The following ANTXR1 variants were observed in gnomAD, a reference collection of about 807,000 sequenced individuals.
The protein encoded by ANTXR1 is anthrax toxin receptor 1.
In ANTXR1, 19 loss-of-function variants were observed where a neutral mutation model predicts 78.1. The ratio of observed to expected loss-of-function variants is 0.24; its 90% CI spans 0.17 to 0.36. The LOEUF (loss-of-function observed/expected upper bound fraction) is 0.36. Ranked by LOEUF, ANTXR1 falls within the 10% of genes least tolerant of loss-of-function variation. The probability of loss-of-function intolerance (pLI) is 1.00; values close to 1 mark genes in which losing one functional copy is unlikely to be tolerated. For missense variants in ANTXR1, 518 were observed against 718.6 expected (o/e 0.72, Z 3.19); for synonymous variants, 273 against 260.5 (o/e 1.05, Z -0.46).
chr2:69,072,030 C>T (rs1670582022), intron 5 of ANTXR1, among the ~76,000 whole-genome samples: 1 of 152,198 alleles, frequency 6.6e-6, no homozygotes, highest in South Asian at 2.1e-4. Context: ...ATTTTGGCCA[C>T]AGTCTAATTC....
At chr2:69,068,233 G>T (rs72895497) in intron 3 of ANTXR1, among the ~76,000 whole-genome samples, 3,603 of 152,258 alleles carry the variant, frequency 0.024, 136 homozygotes, top group African/African-American at 0.081. Flanking sequence ...AACAGCCATG[G>T]CCCAGTCCTC....
intron 16 of ANTXR1, chr2:69,182,926 A>T (rs1674314690): frequency 2.1e-6 from 1 of 480,872 alleles, no homozygotes; most frequent in Admixed American, 3.6e-5. Context: ...TATAGAGAAG[A>T]TTAGCATGAC....
chr2:69,033,728 T>C (rs1353692111), intron 1 of ANTXR1, among the ~76,000 whole-genome samples: 1 of 152,248 alleles, frequency 6.6e-6, no homozygotes, highest in Admixed American at 6.5e-5. Flanking sequence ...ATTTCCATCC[T>C]TAGAGCTGCT....
intron 5 of ANTXR1, 96 bp downstream of exon 5, chr2:69,071,883 A>C: frequency 9.1e-7 from 1 of 1,096,896 alleles, no homozygotes; most frequent in Non-Finnish European, 1.4e-6. Flanking sequence ...TTCAAAAGAC[A>C]TGTATGATAT....
intron 9 of ANTXR1, among the ~76,000 whole-genome samples, chr2:69,099,115 A>G (rs928459427): frequency 6.6e-6 from 1 of 151,962 alleles, no homozygotes; most frequent in African/African-American, 2.4e-5. Context: ...TTATTCCCCC[A>G]TTTCTCCCTC....
At chr2:69,239,997 T>C (rs548550544) in intron 17 of ANTXR1, among the ~76,000 whole-genome samples, 1 of 152,336 alleles carries the variant, frequency 6.6e-6, no homozygotes, top group South Asian at 2.1e-4. Flanking sequence ...ACCTTTCAAG[T>C]GTGGAAGCCA....
At chr2:69,204,087 T>C (rs1350657653) in intron 17 of ANTXR1, among the ~76,000 whole-genome samples, 2 of 152,190 alleles carry the variant, frequency 1.3e-5, no homozygotes, top group Admixed American at 6.5e-5. Context: ...ATGATGATCA[T>C]GTCTAGCCAC....
At chr2:69,193,623 T>C (rs569153520) in intron 17 of ANTXR1, among the ~76,000 whole-genome samples, 1 of 152,184 alleles carries the variant, frequency 6.6e-6, no homozygotes, top group Non-Finnish European at 1.5e-5. Context: ...ATTTTCAAAA[T>C]GTTGGTTATT....
intron 10 of ANTXR1, among the ~76,000 whole-genome samples, chr2:69,112,431 G>A (rs1353415119): frequency 6.6e-6 from 1 of 152,120 alleles, no homozygotes; most frequent in Non-Finnish European, 1.5e-5. Flanking sequence ...AGATCCCTGG[G>A]ACCACTGACT....
At chr2:69,237,755 A>T (rs1266893499) in intron 17 of ANTXR1, among the ~76,000 whole-genome samples, 1 of 152,222 alleles carries the variant, frequency 6.6e-6, no homozygotes, top group Non-Finnish European at 1.5e-5. Flanking sequence ...GTGTATCTAC[A>T]CATTTTTATA....
intron 17 of ANTXR1, among the ~76,000 whole-genome samples, chr2:69,223,533 G>C (rs1415665530): frequency 2.0e-5 from 3 of 152,154 alleles, no homozygotes; most frequent in African/African-American, 7.2e-5. Context: ...ACTCAAGATT[G>C]TCTCCTTTAG....
At chr2:69,193,281 G>A (rs922096635) in intron 16 of ANTXR1, 54 bp from the exon 17 acceptor site, 98 of 1,544,424 alleles carry the variant, frequency 6.3e-5, no homozygotes, top group Non-Finnish European at 8.2e-5. Context: ...GCCTACGGCG[G>A]CTAGCCACAG....
At chr2:69,236,245 G>A (rs1326169023) in intron 17 of ANTXR1, among the ~76,000 whole-genome samples, 1 of 152,086 alleles carries the variant, frequency 6.6e-6, no homozygotes, top group Admixed American at 6.6e-5. Context: ...CAGTAAAAGT[G>A]GGCAAAGTAT....
chr2:69,213,264 A>T (rs917418410), intron 17 of ANTXR1, among the ~76,000 whole-genome samples: 9 of 152,218 alleles, frequency 5.9e-5, no homozygotes, highest in Non-Finnish European at 1.0e-4. Context: ...CTAGAACCTC[A>T]AATCTATGGC....
At chr2:69,069,111 G>C (rs1193898849) in intron 3 of ANTXR1, among the ~76,000 whole-genome samples, 1 of 152,138 alleles carries the variant, frequency 6.6e-6, no homozygotes, top group Admixed American at 6.5e-5. Context: ...CCCCTTTTCA[G>C]TTTGTCTTTT....
intron 16 of ANTXR1, among the ~76,000 whole-genome samples, chr2:69,188,571 A>G (rs940072815): frequency 4.6e-5 from 7 of 152,244 alleles, no homozygotes; most frequent in African/African-American, 1.7e-4. Flanking sequence ...TAAATTTCTC[A>G]TTTTATAGTC....
intron 6 of ANTXR1, among the ~76,000 whole-genome samples, chr2:69,073,305 C>T (rs533172761): frequency 4.6e-5 from 7 of 152,274 alleles, no homozygotes; most frequent in African/African-American, 1.7e-4. Context: ...ATGTTTTCCC[C>T]TTTCAAAATT....
intron 16 of ANTXR1, among the ~76,000 whole-genome samples, chr2:69,190,210 C>T (rs372633748): frequency 2.0e-5 from 3 of 152,246 alleles, no homozygotes; most frequent in Admixed American, 6.5e-5. Flanking sequence ...CCCAGCACAG[C>T]GGATCTCCCC....
At chr2:69,105,496 TG>T (rs1163421314) in intron 10 of ANTXR1, among the ~76,000 whole-genome samples, 2 of 152,234 alleles carry the variant, frequency 1.3e-5, no homozygotes, top group Non-Finnish European at 2.9e-5. Context: ...GTAATTCACC[TG>T]TTCATTTCCA....
Sources: allele counts gnomAD v4.1 joint callset (sites outside exome capture counted in the v4.1 genomes callset), GRCh38; gene constraint gnomAD v4.1.1; transcripts MANE v1.5; gene names NCBI Gene and HGNC (gene_info 2026-07-23, HGNC 2026-07-21).